ABL2: variants seen among roughly 807,000 people sequenced by gnomAD.
ABL2 encodes the protein ABL proto-oncogene 2, non-receptor tyrosine kinase.
Under a neutral mutation model 107.7 loss-of-function variants are expected in ABL2, and 49 were observed. That is an observed-to-expected ratio of 0.45 (90% CI 0.36 to 0.58). The LOEUF is 0.58. Ranked by LOEUF, ABL2 falls within the 20% of genes least tolerant of loss-of-function variation. The pLI, the probability that ABL2 is intolerant of heterozygous loss-of-function variation, is 0.00. For missense variants in ABL2, 1,245 were observed against 1,457.0 expected (o/e 0.85, Z 2.37); for synonymous variants, 549 against 548.6 (o/e 1.00, Z -0.01).
intron 1 of ABL2, among the ~76,000 whole-genome samples, chr1:179,195,739 C>G (rs965353896): frequency 2.2e-4 from 34 of 152,254 alleles, no homozygotes; most frequent in Admixed American, 7.8e-4. Flanking sequence ...CGTTACAACA[C>G]AGATGTACCT....
chr1:179,217,493 G>C (rs905327362), intron 1 of ABL2, among the ~76,000 whole-genome samples: 2 of 151,874 alleles, frequency 1.3e-5, no homozygotes, highest in Non-Finnish European at 2.9e-5. Flanking sequence ...GAGTGTGATG[G>C]CATGCACCTG....
At position 179,128,030 on chromosome 1, in the gene ABL2, T is replaced by TAAA. The variant is rs11419750; in HGVS notation, c.392-1361_392-1359dup. ...AGCCTGGGAGACAGAGTGAGACTGC[T>TAAA]AAAAAAAAAAAAAAAAGCACATGGC... is the stretch of plus-strand genomic sequence containing the variant. On this transcript the variant is annotated intron_variant, in intron 3 of 11. Coordinates refer to ENST00000502732, the MANE Select transcript of ABL2 (RefSeq NM_007314.4). 2.5e-4 allele frequency among the ~76,000 whole-genome samples: 31 copies of TAAA among 124,964 alleles called. 1 individual carries two copies. Among genetic ancestry groups the TAAA allele is most frequent in the East Asian group, 1.6e-3 (7 of 4,386 alleles). The allele number at this position is 124,964 out of a possible 152,430, so 82.0% of individuals were successfully genotyped here.
chr1:179,166,124 C>G (rs1203852958), intron 1 of ABL2, among the ~76,000 whole-genome samples: 1 of 152,070 alleles, frequency 6.6e-6, no homozygotes, highest in Admixed American at 6.6e-5. Context: ...AACGTCAGAC[C>G]TGACGCTAGA....
chr1:179,103,489 G>A lies in ABL2; in HGVS notation c.*4229C>T, dbSNP rs75390485. 1.9e-3 allele frequency: 402 copies of A among 208,610 alleles called. 5 individuals are homozygous for A. Among genetic ancestry groups the A allele is most frequent in the African/African-American group, 8.8e-3 (388 of 43,976 alleles). The allele number at this position is 208,610 out of a possible 1,614,324, so 12.9% of individuals were successfully genotyped here. On this transcript the variant is annotated 3_prime_UTR_variant, in exon 12 of 12. Transcript: ENST00000502732. ...ACAATAAAGTTTTTTTAAAGAAAAGGGAATGTAGGACTAACTAGGTTTTTT... is the reference window on the plus strand; with the variant it reads ...ACAATAAAGTTTTTTTAAAGAAAAGAGAATGTAGGACTAACTAGGTTTTTT...
At chr1:179,200,333 C>T (rs1292509409) in intron 1 of ABL2, among the ~76,000 whole-genome samples, 8 of 152,168 alleles carry the variant, frequency 5.3e-5, no homozygotes, top group Non-Finnish European at 7.3e-5. Flanking sequence ...AGGCATGGGC[C>T]ACCGCGCCTG....
At chr1:179,161,460 G>T (rs1659065282) in intron 1 of ABL2, among the ~76,000 whole-genome samples, 1 of 152,150 alleles carries the variant, frequency 6.6e-6, no homozygotes, top group Non-Finnish European at 1.5e-5. Context: ...GCTCACACCT[G>T]TAATTCTGGC....
At position 179,170,230 on chromosome 1, in the gene ABL2, A is replaced by C. The variant is rs540036610; in HGVS notation, c.158-36856T>G. ...AATAACTAACCCACTCCCCCATGAT[A>C]ATGAGATTAATCCATTCATGAGGGT... On this transcript the variant is annotated intron_variant, in intron 1 of 11. Coordinates refer to ENST00000502732, the MANE Select transcript of ABL2 (RefSeq NM_007314.4). 5.1e-4 allele frequency among the ~76,000 whole-genome samples: 77 copies of C among 152,176 alleles called. 1 individual carries two copies. In the South Asian group the frequency reaches 8.7e-3, roughly 17 times the overall value.
chr1:179,145,618 AAAG>A (rs1221907801), intron 1 of ABL2, among the ~76,000 whole-genome samples: 1 of 152,212 alleles, frequency 6.6e-6, no homozygotes, highest in Non-Finnish European at 1.5e-5. Flanking sequence ...GCCAGAAGCA[AAAG>A]AAGAATCTAA....
chr1:179,155,801 T>G (rs1180761521), intron 1 of ABL2, among the ~76,000 whole-genome samples: 1 of 152,110 alleles, frequency 6.6e-6, no homozygotes, highest in Non-Finnish European at 1.5e-5. Context: ...AAAATAACTT[T>G]TTCTCTAGTA....
rs1281414154 is a variant in ABL2 at position 179,126,827 on chromosome 1, C to T, written c.392-155G>A. Among the ~76,000 whole-genome samples the T allele has an allele frequency of 6.6e-6, 1 of 150,962 alleles. No homozygotes were observed. Among genetic ancestry groups the T allele is most frequent in the African/African-American group, 2.4e-5 (1 of 41,022 alleles). The stretch of plus-strand genomic sequence containing the variant: ...TTTTAAATAATGAAAACAAACTTGG[C>T]TGTTCATCATATCCTGATTGCTCTC... On this transcript the variant is annotated intron_variant, in intron 3 of 11. Coordinates refer to ENST00000502732, the MANE Select transcript of ABL2 (RefSeq NM_007314.4). The surrounding 1 kb of genome is among the most constrained non-coding windows in gnomAD (Gnocchi z 4.4).
At chr1:179,134,656 T>C (rs1656667565) in intron 1 of ABL2, among the ~76,000 whole-genome samples, 1 of 152,320 alleles carries the variant, frequency 6.6e-6, no homozygotes, top group Non-Finnish European at 1.5e-5. Context: ...TAATGCCCTA[T>C]GATGTCTTCT....
chr1:179,107,822 C>T lies in ABL2; in HGVS notation c.3445G>A (p.Glu1149Lys), dbSNP rs1653584675. 1 of 1,614,102 alleles carries T rather than the reference C, an allele frequency of 6.2e-7. No homozygotes were observed. Among genetic ancestry groups the T allele is most frequent in the Admixed American group, 1.7e-5 (1 of 60,004 alleles). The change falls in exon 12 of 12, where the codon GAG (glutamate) becomes AAG (lysine). Residue 1149 changes from glutamate to lysine, a missense_variant. By Grantham distance (56) the Glu-to-Lys change is moderately conservative. Transcript: ENST00000502732. ...GCAGCTGCTGAAGAAACCTGTAGCTCCTGCAGGCTGAGTTCCAGTTTGCTC... is the reference window on the plus strand; with the variant it reads ...GCAGCTGCTGAAGAAACCTGTAGCTTCTGCAGGCTGAGTTCCAGTTTGCTC... The part of the protein sequence containing the change: ...AVSKLELSLQ[E>K]LQVSSAAAGV...
intron 1 of ABL2, among the ~76,000 whole-genome samples, chr1:179,146,143 T>C (rs1046059706): frequency 6.6e-6 from 1 of 151,886 alleles, no homozygotes; most frequent in Admixed American, 6.6e-5. Context: ...CATTATTACA[T>C]GAAAAAAAAT....
chr1:179,121,760 C>T lies in ABL2; in HGVS notation c.795G>A (p.Lys265=). ...LVTTLHYPAP[K]CNKPTVYGVS... The stretch of plus-strand genomic sequence containing the variant: ...CACCATAGACTGTAGGCTTATTACA[C>T]TTGGGTGCTGGGTAGTGTAATGTTG... Residue 265 remains lysine (K), a synonymous_variant, in exon 5 of 12, where the codon AAG becomes AAA. Transcript: ENST00000502732. 6.2e-7 allele frequency: 1 copy of T among 1,614,114 alleles called. No individual in the cohort carries two copies. Among genetic ancestry groups the T allele is most frequent in the Non-Finnish European group, 8.5e-7 (1 of 1,180,036 alleles).
intron 1 of ABL2, among the ~76,000 whole-genome samples, chr1:179,160,050 G>A (rs1215585709): frequency 2.0e-5 from 3 of 152,048 alleles, no homozygotes; most frequent in Non-Finnish European, 4.4e-5. Context: ...GAAGGTGGAA[G>A]TTGCAGTGAG....
At chr1:179,110,124 T>C (rs1198482768) in intron 11 of ABL2, among the ~76,000 whole-genome samples, 158 bp downstream of exon 11, 2 of 152,160 alleles carry the variant, frequency 1.3e-5, no homozygotes, top group South Asian at 2.1e-4. Flanking sequence ...CAGAGTTGTA[T>C]GTTGGATGGA....
chr1:179,164,642 TGAG>T (rs1659275244), intron 1 of ABL2, among the ~76,000 whole-genome samples: 1 of 152,224 alleles, frequency 6.6e-6, no homozygotes, highest in Non-Finnish European at 1.5e-5. Flanking sequence ...CTGACATTCC[TGAG>T]GAGGGACTTG....
In ABL2 at chr1:179,118,655, C is replaced by CACA; in HGVS notation, c.1152_1154dup (p.Val385dup). Reference sequence around the variant, plus strand: ...AAATCTGAGTGGCCATGTAGAGCAGCACAACTGCAGTCACCTCTTCTCGGT... The same window carrying CACA: ...AAATCTGAGTGGCCATGTAGAGCAGCACAACAACTGCAGTCACCTCTTCTCGGT... On this transcript the variant is annotated inframe_insertion, in exon 7 of 12. Transcript: ENST00000502732. The CACA allele has an allele frequency of 6.2e-7, 1 of 1,613,766 alleles. No homozygotes were observed. The highest frequency in any genetic ancestry group is 8.5e-7 in the Non-Finnish European group (1 of 1,179,962).
In ABL2 at chr1:179,108,714, C is replaced by T. The variant is rs1217022914; in HGVS notation, c.2553G>A (p.Lys851=). The change falls in exon 12 of 12, where the codon AAG becomes AAA. Residue 851 remains lysine, a synonymous_variant. Coordinates refer to ENST00000502732, the MANE Select transcript of ABL2 (RefSeq NM_007314.4). ...GAGCTGTGGCTCCTCTGGGCAATAA[C>T]TTGGCTTTTGGTCTCTCCCTGCTTG... The part of the protein sequence containing the change: ...AAPSRERPKA[K]LLPRGATALP... 11 of 1,614,050 alleles carry T rather than the reference C, an allele frequency of 6.8e-6. No individual in the cohort carries two copies. The highest frequency in any genetic ancestry group is 4.4e-5 in the South Asian group (4 of 91,082).
Sources: allele counts gnomAD v4.1 joint callset (sites outside exome capture counted in the v4.1 genomes callset), GRCh38; gene constraint gnomAD v4.1.1; non-coding constraint Gnocchi (gnomAD v3.1); transcripts MANE v1.5; gene names NCBI Gene and HGNC (gene_info 2026-07-23, HGNC 2026-07-21).